STK40: variants seen among roughly 807,000 people sequenced by gnomAD.
STK40 encodes the protein serine/threonine-protein kinase 40.
A neutral mutation model predicts 47.9 loss-of-function variants in STK40; 13 were observed. The ratio of observed to expected loss-of-function variants is 0.27; its 90% CI spans 0.18 to 0.43. The LOEUF is 0.43. Among genes scored for constraint, STK40 ranks in the 20% least tolerant of loss-of-function variants. STK40 has a pLI of 1.00. For synonymous variants in STK40, 225 were observed against 243.2 expected, an observed-to-expected ratio of 0.93 and a Z score of 0.69; for missense variants, 460 against 595.1, an observed-to-expected ratio of 0.77 and a Z score of 2.36.
At chr1:36,347,298 T>G (rs1311218303) in intron 7 of STK40, among the ~76,000 whole-genome samples, 1 of 152,156 alleles carries the variant, frequency 6.6e-6, no homozygotes, top group African/African-American at 2.4e-5. Flanking sequence ...TTCTCCATGT[T>G]GGAGGGATGG....
intron 1 of STK40, among the ~76,000 whole-genome samples, chr1:36,370,852 T>C (rs1570460881): frequency 6.6e-6 from 1 of 152,010 alleles, no homozygotes; most frequent in East Asian, 1.9e-4. Flanking sequence ...TATTTGCATA[T>C]AACCTGTGCA....
chr1:36,345,991 A>ATATATATATTTTTTTTT, intron 7 of STK40, among the ~76,000 whole-genome samples: 25 of 26,462 alleles, frequency 9.4e-4, no homozygotes, highest in African/African-American at 1.4e-3. Flanking sequence ...ATATATATAT[A>ATATATATATTTTTTTTT]TTTTTTTTTT....
chr1:36,354,071 T>C (rs950903819), intron 6 of STK40, among the ~76,000 whole-genome samples: 2 of 152,102 alleles, frequency 1.3e-5, no homozygotes, highest in African/African-American at 4.8e-5. Context: ...GACCATTTAG[T>C]CCATTTTTAT....
At position 36,348,770 on chromosome 1, in the gene STK40, C is replaced by A; in HGVS notation, c.669G>T (p.Leu223=). The A allele has an allele frequency of 6.2e-7, 1 of 1,610,304 alleles. No homozygotes were observed. The highest frequency in any genetic ancestry group is 2.2e-5 in the East Asian group (1 of 44,694). The change falls in exon 7 of 11, where the codon CTG becomes CTT. Residue 223 remains leucine (L), a synonymous_variant. Transcript: ENST00000373132. The part of the protein sequence containing the change: ...TITNFCLGKH[L]VSEGDLLKDQ... ...CCTTCAGCAGGTCCCCCTCGCTCAC[C>A]AGATGCTTCCCGAGGCAGAAGTTGG...
intron 1 of STK40, among the ~76,000 whole-genome samples, chr1:36,384,716 G>C (rs74489287): frequency 0.027 from 4,189 of 152,344 alleles, 213 homozygotes; most frequent in African/African-American, 0.095. Context: ...ATGAATGAAT[G>C]AGGACTGTCT....
chr1:36,344,377 G>A, intron 7 of STK40, 113 bp from the exon 8 acceptor site: 2 of 1,401,900 alleles, frequency 1.4e-6, no homozygotes, highest in South Asian at 1.5e-5. Flanking sequence ...AGTCCCCCCA[G>A]AGTCGTCCTC....
intron 1 of STK40, among the ~76,000 whole-genome samples, chr1:36,373,111 TCTACA>T (rs1279360529): frequency 2.0e-5 from 3 of 152,174 alleles, no homozygotes; most frequent in East Asian, 3.8e-4. Flanking sequence ...ATTTTGTGAC[TCTACA>T]CTAGTCACCT....
chr1:36,354,450 A>T (rs781389097), intron 5 of STK40, 34 bp from the exon 6 acceptor site: 1 of 1,613,178 alleles, frequency 6.2e-7, no homozygotes, highest in African/African-American at 1.3e-5. Context: ...TTACATTGTC[A>T]ATGTGAGAGG....
chr1:36,376,320 C>A (rs543152517), intron 1 of STK40, among the ~76,000 whole-genome samples: 1 of 152,300 alleles, frequency 6.6e-6, no homozygotes, highest in Non-Finnish European at 1.5e-5. Flanking sequence ...CGAGAAGGGT[C>A]TGGTCCACCT....
At chr1:36,347,845 G>T (rs1020722255) in intron 7 of STK40, among the ~76,000 whole-genome samples, 6 of 152,034 alleles carry the variant, frequency 3.9e-5, no homozygotes, top group Admixed American at 6.6e-5. Context: ...TAGAGACAGG[G>T]TTTCACCATA....
chr1:36,357,929 T>C (rs548224554), intron 4 of STK40, among the ~76,000 whole-genome samples: 90 of 152,324 alleles, frequency 5.9e-4, no homozygotes, highest in African/African-American at 2.1e-3. Context: ...CCCGGGTGTC[T>C]TTAAGTGACT....
intron 1 of STK40, among the ~76,000 whole-genome samples, chr1:36,379,164 ATCT>A (rs1371496130): frequency 2.6e-5 from 4 of 152,170 alleles, no homozygotes; most frequent in African/African-American, 9.7e-5. Context: ...AAGGCTGAAG[ATCT>A]TCTATCTCTT....
At position 36,385,906 on chromosome 1, in the gene STK40, G is replaced by A. The variant is rs1473395446; in HGVS notation, c.-192C>T. 1.8e-5 allele frequency: 3 copies of A among 164,166 alleles called. No individual in the cohort carries two copies. Among genetic ancestry groups the A allele is most frequent in the Admixed American group, 6.5e-5 (1 of 15,364 alleles). 10.2% of individuals were successfully genotyped at this position (164,166 alleles called of 1,614,324 possible). On this transcript the variant is annotated 5_prime_UTR_variant, in exon 1 of 11. Transcript: ENST00000373132. ...CGCCTCCCTCCATGGCTGCGGCGCCGCCACCTGACAACGGAAGTGACGCAC... is the reference window on the plus strand; with the variant it reads ...CGCCTCCCTCCATGGCTGCGGCGCCACCACCTGACAACGGAAGTGACGCAC...
chr1:36,363,967 C>T (rs570866230), intron 1 of STK40, among the ~76,000 whole-genome samples: 15 of 151,888 alleles, frequency 9.9e-5, no homozygotes, highest in East Asian at 3.9e-4. Context: ...CTGGTTAACA[C>T]GGTGAAACCC....
At chr1:36,366,446 G>C (rs544121252) in intron 1 of STK40, among the ~76,000 whole-genome samples, 45 of 152,312 alleles carry the variant, frequency 3.0e-4, no homozygotes, top group African/African-American at 1.0e-3. Context: ...AGCAAAGGAA[G>C]CGTCATGAAG....
Position 36,341,956 on chromosome 1 carries a change from C to T in STK40, c.1107G>A (p.Glu369=). Reference sequence around the variant, plus strand: ...AGTTCTCAAACTCGTACTGGGAGCACTCCTCCGTCACCTTCGCCTTTGAGG... The same window carrying T: ...AGTTCTCAAACTCGTACTGGGAGCATTCCTCCGTCACCTTCGCCTTTGAGG... ...DSSQEAKVTE[E]CSQYEFENYM... is the part of the protein sequence containing the mutation. The change falls in exon 11 of 11, where the codon GAG becomes GAA. Residue 369 remains glutamate, a synonymous_variant. Transcript: ENST00000373132. 6.2e-7 allele frequency: 1 copy of T among 1,613,640 alleles called. No individual in the cohort carries two copies. The highest frequency in any genetic ancestry group is 8.5e-7 in the Non-Finnish European group (1 of 1,179,766).
At position 36,376,094 on chromosome 1, in the gene STK40, G is replaced by A. The variant is rs529892049; in HGVS notation, c.-9+9629C>T. On this transcript the variant is annotated intron_variant, in intron 1 of 10. Coordinates refer to ENST00000373132, the MANE Select transcript of STK40 (RefSeq NM_001282547.2). The stretch of plus-strand genomic sequence containing the variant: ...ACTTTCTGAAGTTTGACTGAATGTT[G>A]AGGGCTATGGCTGCTCAGAGGGGCA... Among the ~76,000 whole-genome samples the A allele has an allele frequency of 4.2e-4, 64 of 152,238 alleles. No individual in the cohort carries two copies. In the East Asian group the frequency reaches 9.8e-3, roughly 23 times the overall value.
intron 1 of STK40, among the ~76,000 whole-genome samples, chr1:36,382,417 G>A (rs909502847): frequency 1.4e-4 from 21 of 152,252 alleles, no homozygotes; most frequent in South Asian, 4.2e-4. Flanking sequence ...AGGCTCAAGC[G>A]ATCTGCCCAT....
intron 4 of STK40, among the ~76,000 whole-genome samples, chr1:36,356,166 T>C (rs1646802204): frequency 6.6e-6 from 1 of 152,176 alleles, no homozygotes; most frequent in African/African-American, 2.4e-5. Flanking sequence ...AGACAATCCA[T>C]GTCCTGTGCT....
Sources: gnomAD v4.1 joint callset for allele counts (sites outside exome capture counted in the v4.1 genomes callset) on GRCh38, gnomAD v4.1.1 for gene constraint, MANE v1.5 for transcripts, NCBI Gene and HGNC (gene_info 2026-07-23, HGNC 2026-07-21) for gene names.